The following TMC6 variants were observed in gnomAD, a reference collection of about 807,000 sequenced individuals.
TMC6 encodes transmembrane channel like 6, also known as transmembrane channel-like protein 6.
A neutral mutation model predicts 95.4 loss-of-function variants in TMC6; 71 were observed. The ratio of observed to expected loss-of-function variants is 0.74; its 90% CI spans 0.61 to 0.91. The LOEUF (loss-of-function observed/expected upper bound fraction) is 0.91, where lower values mean the gene tolerates loss of function less well. TMC6 is among the 40% of genes least tolerant of loss of function. TMC6 has a pLI of 0.00. For synonymous variants in TMC6, 514 were observed against 483.1 expected (o/e 1.06, Z -0.84); for missense variants, 1,074 against 1,079.1 (o/e 1.00, Z 0.07).
In TMC6 at chr17:78,112,288, C is replaced by G; in HGVS notation, c.*860G>C. On this transcript the variant is annotated 3_prime_UTR_variant, in exon 20 of 20. Coordinates refer to ENST00000590602, the MANE Select transcript of TMC6 (RefSeq NM_001127198.5). ...CTGTGATGGGCTGGTCCCCGCAGAC[C>G]TGGAGCCCTGGGCTGTCATGGGCTG... The G allele has an allele frequency of 3.8e-6, 1 of 261,844 alleles. No homozygotes were observed. The highest frequency in any genetic ancestry group is 3.2e-5 in the South Asian group (1 of 31,180). 16.2% of individuals were successfully genotyped at this position (261,844 alleles called of 1,614,324 possible).
At position 78,113,054 on chromosome 17, in the gene TMC6, G is replaced by A. The variant is rs2073870740; in HGVS notation, c.*94C>T. ...GCTGCGGCTTTCGAGAGGCGAAACT[G>A]TCTTCCTTGTCCTGGTGTCCCAGCA... On this transcript the variant is annotated 3_prime_UTR_variant, in exon 20 of 20. Coordinates refer to ENST00000590602, the MANE Select transcript of TMC6 (RefSeq NM_001127198.5). The A allele has an allele frequency of 1.4e-6, 2 of 1,455,272 alleles. No homozygotes were observed. Among genetic ancestry groups the A allele is most frequent in the East Asian group, 2.5e-5 (1 of 40,476 alleles). The allele number at this position is 1,455,272 out of a possible 1,614,324, so 90.1% of individuals were successfully genotyped here.
rs199831098 is a variant in TMC6 at position 78,126,785 on chromosome 17, C to T, written c.48G>A (p.Gly16=). 178 of 1,613,280 alleles carry T rather than the reference C, an allele frequency of 1.1e-4. No homozygotes were observed. Among genetic ancestry groups the T allele is most frequent in the Middle Eastern group, 5.1e-4 (3 of 5,934 alleles). ...AFILDVPETP[G]DQGQGPSPYD... is the part of the protein sequence containing the mutation. ...AGCCCCAGAGCGCTTACCCCTGGTC[C>T]CCTGGGGTCTCAGGGACATCGAGGA... is the stretch of plus-strand genomic sequence containing the variant. The change falls in exon 2 of 20, where the codon GGG becomes GGA. Residue 16 remains glycine (G), a synonymous_variant. Transcript: ENST00000590602.
chr17:78,109,312 C>T lies in TMC6; in HGVS notation c.*3836G>A, dbSNP rs1004203790. On this transcript the variant is annotated 3_prime_UTR_variant, in exon 20 of 20. Coordinates refer to ENST00000590602, the MANE Select transcript of TMC6 (RefSeq NM_001127198.5). The stretch of plus-strand genomic sequence containing the variant: ...GGAAAACAGAGACAGTGGGGCATCC[C>T]GAGAAGATCCTCTGCAGGAGTGCGG... 1.3e-5 allele frequency: 5 copies of T among 374,224 alleles called. No homozygotes were observed. Among genetic ancestry groups the T allele is most frequent in the African/African-American group, 2.1e-5 (1 of 47,156 alleles). The allele number at this position is 374,224 out of a possible 1,614,324, so 23.2% of individuals were successfully genotyped here. A position where few individuals can be genotyped will look rare whatever the true frequency, so the allele number is the denominator to read the frequency against.
At chr17:78,126,136 A>T in intron 4 of TMC6, 141 bp downstream of exon 4, 3 of 1,276,242 alleles carry the variant, frequency 2.4e-6, no homozygotes, top group Non-Finnish European at 3.2e-6. Context: ...GGGATGGGCT[A>T]GGAGCCCGCC....
intron 18 of TMC6, 33 bp downstream of exon 18, chr17:78,117,236 G>A: frequency 1.9e-6 from 3 of 1,607,782 alleles, no homozygotes; most frequent in Admixed American, 1.7e-5. Context: ...CTGAGAGGGT[G>A]GGGGCTGAGA....
intron 4 of TMC6, 180 bp downstream of exon 4, chr17:78,126,097 G>A (rs2074697681): frequency 9.1e-7 from 1 of 1,101,422 alleles, no homozygotes; most frequent in Non-Finnish European, 1.3e-6. Context: ...GGGCCACATG[G>A]GGCTGTGCTG....
At position 78,121,725 on chromosome 17, in the gene TMC6, C is replaced by T. The variant is rs1212906286; in HGVS notation, c.1228-14G>A. 5.7e-6 allele frequency: 9 copies of T among 1,567,494 alleles called. No individual in the cohort carries two copies. Among genetic ancestry groups the T allele is most frequent in the South Asian group, 3.4e-5 (3 of 87,514 alleles). On this transcript the variant is annotated splice_polypyrimidine_tract_variant and intron_variant, in intron 10 of 19. Transcript: ENST00000590602. This position sits in a 1 kb window ranked among gnomAD's most constrained non-coding sequence, Gnocchi z 5.6. ...GGCCAGCAGCTCCTGCAGGCGGCAC[C>T]GTGTCCCCGTCACCCACACCAGAGC...
Position 78,117,576 on chromosome 17 carries a change from C to A in TMC6, c.2090G>T (p.Trp697Leu). ...GCCTGCCGCCTCCAGGTGGCGCACC[C>A]ACACCCTGCCGGCCTCGTACATGGT... ...LDTMYEAGRV[W>L]VRHLEAAGPR... is the part of the protein sequence containing the mutation. Residue 697 changes from tryptophan to leucine, a missense_variant, in exon 17 of 20, where the codon TGG (tryptophan) becomes TTG (leucine). By Grantham distance (61) the Trp-to-Leu change is moderately conservative (BLOSUM62 -2). Coordinates refer to ENST00000590602, the MANE Select transcript of TMC6 (RefSeq NM_001127198.5). The A allele has an allele frequency of 6.3e-7, 1 of 1,587,488 alleles. No individual in the cohort carries two copies. Among genetic ancestry groups the A allele is most frequent in the Non-Finnish European group, 8.6e-7 (1 of 1,168,536 alleles).
At chr17:78,120,533 C>T in intron 13 of TMC6, 120 bp downstream of exon 13, 3 of 1,447,812 alleles carry the variant, frequency 2.1e-6, no homozygotes, top group Non-Finnish European at 2.9e-6. Context: ...GAGTCTTCCT[C>T]TGAAGGGTGG....
chr17:78,122,145 T>C lies in TMC6; in HGVS notation c.1228-434A>G, dbSNP rs2074445515. Among the ~76,000 whole-genome samples, 1 of 152,132 alleles carries C rather than the reference T, an allele frequency of 6.6e-6. No homozygotes were observed. The highest frequency in any genetic ancestry group is 2.1e-4 in the South Asian group (1 of 4,826). On this transcript the variant is annotated intron_variant, in intron 10 of 19. Coordinates refer to ENST00000590602, the MANE Select transcript of TMC6 (RefSeq NM_001127198.5). This position sits in a 1 kb window ranked among gnomAD's most constrained non-coding sequence, Gnocchi z 4.9. ...CACAGAACCCCAGAAAGGCAGAGAA[T>C]GTTCCACGAGGCCCGGCTCTGCAGC...
upstream of TMC6, among the ~76,000 whole-genome samples, chr17:78,129,016 T>C (rs534955659): frequency 1.3e-5 from 2 of 152,004 alleles, no homozygotes; most frequent in East Asian, 3.9e-4. The surrounding 1 kb of genome is among the most constrained non-coding windows in gnomAD (Gnocchi z 4.3). Context: ...AAAGGGGCAA[T>C]ATTTCCAGAC....
At chr17:78,114,974 C>T (rs1252584997) in intron 18 of TMC6, among the ~76,000 whole-genome samples, 3 of 152,248 alleles carry the variant, frequency 2.0e-5, no homozygotes, top group African/African-American at 7.2e-5. Context: ...ACCCACCTGG[C>T]CCTACCTGGC....
Position 78,126,887 on chromosome 17 carries a change from G to T in TMC6, c.-55C>A, listed in dbSNP as rs563171225. ...ACCTAGGGTAGCTCAGAGCCTGGGC[G>T]CCACCTCCGGAGCCCCCATCTGATG... On this transcript the variant is annotated 5_prime_UTR_variant, in exon 2 of 20. Transcript: ENST00000590602. 3.8e-5 allele frequency: 61 copies of T among 1,586,434 alleles called. 1 individual carries two copies. Among genetic ancestry groups the T allele is most frequent in the Non-Finnish European group, 4.9e-5 (57 of 1,164,318 alleles).
At chr17:78,120,555 C>G in intron 13 of TMC6, 98 bp downstream of exon 13, 1 of 1,548,384 alleles carries the variant, frequency 6.5e-7, no homozygotes, top group Admixed American at 1.7e-5. Context: ...GACACAGGGC[C>G]CTGATGGGAA....
At position 78,114,232 on chromosome 17, in the gene TMC6, GC is replaced by G. The variant is rs1457280429; in HGVS notation, c.2278-609del. On this transcript the variant is annotated intron_variant, in intron 18 of 19. Coordinates refer to ENST00000590602, the MANE Select transcript of TMC6 (RefSeq NM_001127198.5). ...TCTCAGCCCTTTCCTCCACTTCAAA[GC>G]CAGCAGTGGCTGCTCAAGTCCTGCT... Among the ~76,000 whole-genome samples, 17 of 152,106 alleles carry G rather than the reference GC, an allele frequency of 1.1e-4. No individual in the cohort carries two copies. The East Asian group carries it at 2.5e-3, about 23-fold the overall frequency.
rs569577516 is a variant in TMC6 at position 78,122,293 on chromosome 17, A to G, written c.1227+312T>C. On this transcript the variant is annotated intron_variant, in intron 10 of 19. Transcript: ENST00000590602. The surrounding 1 kb of genome is among the most constrained non-coding windows in gnomAD (Gnocchi z 4.9). ...TATGGCCACCAACCAAGCTAACGCC[A>G]GCCAGGGAGCATGTGCCAGCTGGGG... Among the ~76,000 whole-genome samples the G allele has an allele frequency of 9.9e-5, 15 of 152,198 alleles. No homozygotes were observed. Among genetic ancestry groups the G allele is most frequent in the African/African-American group, 2.6e-4 (11 of 41,544 alleles).
rs2073770749 is a variant in TMC6 at position 78,109,045 on chromosome 17, T to C, written c.*4103A>G. 1 of 188,306 alleles carries C rather than the reference T, an allele frequency of 5.3e-6. No individual in the cohort carries two copies. The highest frequency in any genetic ancestry group is 2.4e-5 in the African/African-American group (1 of 42,426). The allele number at this position is 188,306 out of a possible 1,614,324, so 11.7% of individuals were successfully genotyped here. A position where few individuals can be genotyped will look rare whatever the true frequency, so the allele number is the denominator to read the frequency against. On this transcript the variant is annotated 3_prime_UTR_variant, in exon 20 of 20. Transcript: ENST00000590602. ...ATTTTTTATTTTTGTAGAGATAGGG[T>C]CTCACCATGTTGCCCAGGCTGATCT... is the stretch of plus-strand genomic sequence containing the variant.
intron 18 of TMC6, among the ~76,000 whole-genome samples, chr17:78,116,605 G>C (rs907195063): frequency 2.0e-5 from 3 of 152,026 alleles, no homozygotes; most frequent in African/African-American, 7.2e-5. Context: ...AAATGTTTTG[G>C]CCAGGCACGG....
upstream of TMC6, chr17:78,132,157 C>G (rs1258515002): frequency 1.2e-5 from 17 of 1,449,970 alleles, 1 homozygote; most frequent in East Asian, 1.5e-4. Context: ...GCCCCTCCCC[C>G]CTCCCACCCC....
Sources: gnomAD v4.1 joint callset for allele counts (sites outside exome capture counted in the v4.1 genomes callset) on GRCh38, gnomAD v4.1.1 for gene constraint, Gnocchi (gnomAD v3.1) non-coding constraint, MANE v1.5 for transcripts, NCBI Gene and HGNC (gene_info 2026-07-23, HGNC 2026-07-21) for gene names.